Variants in CDH18 observed in about 807,000 individuals in gnomAD.
CDH18 encodes cadherin-18.
A neutral mutation model predicts 67.9 loss-of-function variants in CDH18; 31 were observed. The ratio of observed to expected loss-of-function variants is 0.46; its 90% CI spans 0.34 to 0.62. The LOEUF is 0.62. Among genes scored for constraint, CDH18 ranks in the 20% least tolerant of loss-of-function variants. The pLI, the probability that CDH18 is intolerant of heterozygous loss-of-function variation, is 0.01. For missense variants in CDH18, 890 were observed against 975.5 expected, an observed-to-expected ratio of 0.91 and a Z score of 1.17; for synonymous variants, 362 against 347.2, an observed-to-expected ratio of 1.04 and a Z score of -0.48.
intron 2 of CDH18, among the ~76,000 whole-genome samples, chr5:20,142,539 T>C (rs999600695): frequency 4.7e-5 from 7 of 149,576 alleles, no homozygotes; most frequent in Non-Finnish European, 8.9e-5. Flanking sequence ...GAGATGACAC[T>C]ACTGCATTCC....
intron 2 of CDH18, among the ~76,000 whole-genome samples, chr5:20,060,291 C>A (rs984111052): frequency 3.3e-5 from 5 of 151,814 alleles, no homozygotes; most frequent in Admixed American, 3.3e-4. Context: ...ATGATGAAAC[C>A]CCGTCTCTAC....
At chr5:19,848,303 A>G (rs1783228626) in intron 2 of CDH18, 1 of 152,120 alleles carries the variant, frequency 6.6e-6, no homozygotes, top group Non-Finnish European at 1.5e-5. Flanking sequence ...TCCTTCCTTA[A>G]TAGGTGTGAA....
At chr5:19,571,503 T>C in intron 8 of CDH18, 76 bp downstream of exon 8, 2 of 1,278,180 alleles carry the variant, frequency 1.6e-6, no homozygotes, top group South Asian at 3.0e-5. Flanking sequence ...ATTTTAAGTG[T>C]AATTTTATTC....
At chr5:19,488,724 T>C (rs1235981815) in intron 11 of CDH18, among the ~76,000 whole-genome samples, 1 of 152,204 alleles carries the variant, frequency 6.6e-6, no homozygotes, top group Non-Finnish European at 1.5e-5. Flanking sequence ...TGTCTTCTGT[T>C]ACAATTTTAT....
At chr5:19,815,438 A>G (rs1779183045) in intron 3 of CDH18, among the ~76,000 whole-genome samples, 1 of 151,992 alleles carries the variant, frequency 6.6e-6, no homozygotes, top group African/African-American at 2.4e-5. Context: ...AGAGTTTATG[A>G]TGACATAAAA....
At chr5:19,623,515 C>T (rs983896968) in intron 5 of CDH18, among the ~76,000 whole-genome samples, 1 of 151,972 alleles carries the variant, frequency 6.6e-6, no homozygotes, top group African/African-American at 2.4e-5. Context: ...AATTGCAAAC[C>T]CATATGAGAA....
chr5:20,249,503 C>G (rs915936474), intron 2 of CDH18, among the ~76,000 whole-genome samples: 35 of 151,412 alleles, frequency 2.3e-4, no homozygotes, highest in African/African-American at 8.0e-4. Context: ...CTGCCTCAGA[C>G]TCCCGAGTAG....
At chr5:19,893,221 C>A (rs1406421601) in intron 2 of CDH18, among the ~76,000 whole-genome samples, 2 of 152,166 alleles carry the variant, frequency 1.3e-5, no homozygotes, top group Non-Finnish European at 2.9e-5. Context: ...TGTTTGTAAG[C>A]TAGCTAATTC....
chr5:20,196,036 C>T (rs1247496376), intron 2 of CDH18, among the ~76,000 whole-genome samples: 1 of 152,126 alleles, frequency 6.6e-6, no homozygotes, highest in African/African-American at 2.4e-5. Context: ...AGCATCCTTC[C>T]TGGAAGGTAT....
At chr5:20,315,109 A>G (rs1230443339) in intron 1 of CDH18, among the ~76,000 whole-genome samples, 1 of 152,052 alleles carries the variant, frequency 6.6e-6, no homozygotes, top group East Asian at 1.9e-4. Flanking sequence ...AGGAACAAAC[A>G]AAAAAAGTAA....
intron 9 of CDH18, among the ~76,000 whole-genome samples, chr5:19,536,704 G>C (rs2127022825): frequency 6.6e-6 from 1 of 152,280 alleles, no homozygotes; most frequent in African/African-American, 2.4e-5. Context: ...GAAACAGATG[G>C]AAGGCCTGGT....
intron 5 of CDH18, among the ~76,000 whole-genome samples, chr5:19,702,509 T>C (rs1213751988): frequency 6.6e-6 from 1 of 150,378 alleles, no homozygotes; most frequent in Non-Finnish European, 1.5e-5. Context: ...CTCACACCTG[T>C]AATCCCAGCA....
chr5:19,749,618 T>C (rs187369639), intron 3 of CDH18, among the ~76,000 whole-genome samples: 3 of 151,016 alleles, frequency 2.0e-5, no homozygotes, highest in African/African-American at 7.2e-5. Flanking sequence ...TAAAGAAGAA[T>C]AGGCTTAAGT....
At chr5:20,561,962 T>A (rs547112220) in intron 1 of CDH18, among the ~76,000 whole-genome samples, 2 of 151,890 alleles carry the variant, frequency 1.3e-5, no homozygotes, top group Non-Finnish European at 2.9e-5. Flanking sequence ...GGTATTATGC[T>A]AAGAGCTGCC....
intron 5 of CDH18, among the ~76,000 whole-genome samples, chr5:19,663,613 G>C (rs948467245): frequency 6.6e-6 from 1 of 151,850 alleles, no homozygotes; most frequent in Non-Finnish European, 1.5e-5. Flanking sequence ...CATGATTCCT[G>C]GGTTCAGTAA....
intron 2 of CDH18, among the ~76,000 whole-genome samples, chr5:20,219,162 T>A (rs1001318582): frequency 4.6e-5 from 7 of 151,770 alleles, no homozygotes; most frequent in African/African-American, 1.7e-4. Context: ...AAATGAGACA[T>A]TACAACCAAT....
chr5:19,912,325 A>G (rs554902627), intron 2 of CDH18, among the ~76,000 whole-genome samples: 1 of 152,286 alleles, frequency 6.6e-6, no homozygotes, highest in East Asian at 1.9e-4. Context: ...TACATCAGGT[A>G]CTGAGGCTCT....
At chr5:20,312,591 T>C (rs903707177) in intron 1 of CDH18, among the ~76,000 whole-genome samples, 2 of 151,590 alleles carry the variant, frequency 1.3e-5, no homozygotes, top group African/African-American at 4.9e-5. Context: ...GTCCCACTCA[T>C]ATACCACATT....
chr5:19,505,510 G>A (rs1314947664), intron 10 of CDH18, among the ~76,000 whole-genome samples: 1 of 152,122 alleles, frequency 6.6e-6, no homozygotes. Context: ...CTAATTTATT[G>A]AGAGTTTTTA....
Sources: gnomAD v4.1 joint callset for allele counts (sites outside exome capture counted in the v4.1 genomes callset) on GRCh38, gnomAD v4.1.1 for gene constraint, MANE v1.5 for transcripts, NCBI Gene and HGNC (gene_info 2026-07-23, HGNC 2026-07-21) for gene names.